RIGI: variants seen among roughly 807,000 people sequenced by gnomAD.
RIGI encodes antiviral innate immune response receptor RIG-I.
chr9:32,466,390 C>G, the RIGI span: 1 of 1,613,552 alleles, frequency 6.2e-7, no homozygotes, highest in Non-Finnish European at 8.5e-7. Flanking sequence ...TTCAATTACA[C>G]CAGCATTACT....
chr9:32,486,242 A>C, the RIGI span, among the ~76,000 whole-genome samples: 1 of 152,202 alleles, frequency 6.6e-6, no homozygotes, highest in East Asian at 1.9e-4. Context: ...ACTTGAGGTC[A>C]GGAATTCAAG....
At chr9:32,485,114 T>C in the RIGI span, 33 of 1,224,910 alleles carry the variant, frequency 2.7e-5, no homozygotes, top group East Asian at 9.3e-5. Context: ...AAAAAGACGA[T>C]AGTGAACAAT....
At chr9:32,499,864 C>T in the RIGI span, among the ~76,000 whole-genome samples, 1 of 152,214 alleles carries the variant, frequency 6.6e-6, no homozygotes, top group African/African-American at 2.4e-5. Context: ...TAGCAGTCCT[C>T]CTGCCTCAGC....
chr9:32,480,124 C>G, the RIGI span: 1 of 1,397,050 alleles, frequency 7.2e-7, no homozygotes, highest in Non-Finnish European at 9.7e-7. Context: ...TAAGCATCCC[C>G]AAGTTTATAT....
At chr9:32,465,341 T>C in the RIGI span, among the ~76,000 whole-genome samples, 4 of 152,214 alleles carry the variant, frequency 2.6e-5, no homozygotes, top group African/African-American at 9.6e-5. Flanking sequence ...CTGCTTTAGA[T>C]AATTGATGGT....
chr9:32,455,597 G>A, the RIGI span: 1 of 151,948 alleles, frequency 6.6e-6, no homozygotes, highest in African/African-American at 2.4e-5. Flanking sequence ...AGATTTGGGT[G>A]GGGACATATA....
At chr9:32,524,027 C>G in the RIGI span, among the ~76,000 whole-genome samples, 2 of 151,962 alleles carry the variant, frequency 1.3e-5, 1 homozygote, top group Admixed American at 1.3e-4. Context: ...CTAATTTTTC[C>G]TCTTTCTTTA....
chr9:32,526,096 T>A, the RIGI span: 1 of 1,613,736 alleles, frequency 6.2e-7, no homozygotes, highest in Non-Finnish European at 8.5e-7. Flanking sequence ...GCTCAGGATG[T>A]AGGTAGGGTC....
At chr9:32,491,490 C>A in the RIGI span, 3 of 1,282,378 alleles carry the variant, frequency 2.3e-6, no homozygotes, top group Non-Finnish European at 2.1e-6. Context: ...GAAAGCTCCA[C>A]AAAATGGTCA....
the RIGI span, chr9:32,455,657 C>T: frequency 6.6e-6 from 1 of 151,830 alleles, no homozygotes; most frequent in Admixed American, 6.6e-5. Context: ...AGAAAAGACA[C>T]TCTTAATAAA....
the RIGI span, among the ~76,000 whole-genome samples, chr9:32,525,113 C>T: frequency 6.6e-5 from 10 of 152,172 alleles, no homozygotes; most frequent in Non-Finnish European, 1.5e-4. Context: ...AATCAAGCAG[C>T]CAGCCAACAA....
the RIGI span, chr9:32,473,049 A>G: frequency 9.3e-6 from 15 of 1,608,088 alleles, no homozygotes; most frequent in Admixed American, 3.4e-5. Context: ...ATTTCCTTCA[A>G]TCCAATTTTT....
chr9:32,466,348 A>G, the RIGI span: 2 of 1,613,758 alleles, frequency 1.2e-6, no homozygotes, highest in Non-Finnish European at 1.7e-6. Flanking sequence ...GTCATTCATC[A>G]TTTTTTCTTT....
At chr9:32,492,523 C>G in the RIGI span, 3 of 1,614,160 alleles carry the variant, frequency 1.9e-6, no homozygotes, top group Non-Finnish European at 2.5e-6. Flanking sequence ...GCCATCATCC[C>G]CTTAGTAGAG....
the RIGI span, chr9:32,500,977 A>G: frequency 3.7e-6 from 6 of 1,607,816 alleles, no homozygotes; most frequent in African/African-American, 1.3e-5. Context: ...CAAACTGCAG[A>G]ACTATTAATC....
chr9:32,499,172 T>G, the RIGI span, among the ~76,000 whole-genome samples: 526 of 152,062 alleles, frequency 3.5e-3, no homozygotes, highest in African/African-American at 7.9e-3. Context: ...TCGTATTCAT[T>G]GAAATGTTTG....
chr9:32,471,571 A>G, the RIGI span, among the ~76,000 whole-genome samples: 8 of 152,266 alleles, frequency 5.3e-5, no homozygotes, highest in Non-Finnish European at 1.2e-4. Flanking sequence ...GAGCACAGAA[A>G]GGATGCTATG....
the RIGI span, among the ~76,000 whole-genome samples, chr9:32,521,044 T>C: frequency 4.7e-3 from 667 of 142,298 alleles, 7 homozygotes; most frequent in African/African-American, 0.016. Context: ...ACTAGGGAGG[T>C]TGAGGCAGGA....
At chr9:32,458,798 T>C in the RIGI span, among the ~76,000 whole-genome samples, 1 of 152,024 alleles carries the variant, frequency 6.6e-6, no homozygotes, top group South Asian at 2.1e-4. Context: ...ATTACTATTA[T>C]CTAAACTACA....
Sources: allele counts gnomAD v4.1 joint callset (sites outside exome capture counted in the v4.1 genomes callset), GRCh38; gene constraint gnomAD v4.1.1; transcripts MANE v1.5; gene names NCBI Gene and HGNC (gene_info 2026-07-23, HGNC 2026-07-21).